DLG2: variants seen among roughly 807,000 people sequenced by gnomAD.
The protein encoded by DLG2 is discs large MAGUK scaffold protein 2, also known as disks large homolog 2.
Under a neutral mutation model 132.5 loss-of-function variants are expected in DLG2, and 45 were observed. The ratio of observed to expected loss-of-function variants is 0.34; its 90% confidence interval spans 0.27 to 0.44. DLG2 has a LOEUF of 0.44. DLG2 is among the 20% of genes least tolerant of loss of function. The probability of loss-of-function intolerance (pLI) is 1.00; values close to 1 mark genes in which losing one functional copy is unlikely to be tolerated. For missense variants in DLG2, 1,045 were observed against 1,196.9 expected (o/e 0.87, Z 1.87); for synonymous variants, 424 against 419.6 (o/e 1.01, Z -0.13).
intron 16 of DLG2, among the ~76,000 whole-genome samples, chr11:83,861,752 A>G (rs1174387546): frequency 6.6e-6 from 1 of 152,012 alleles, no homozygotes; most frequent in Non-Finnish European, 1.5e-5. Context: ...GGTGGGGGGA[A>G]GGTGGGATGG....
chr11:85,515,838 A>C (rs898637611), intron 3 of DLG2, among the ~76,000 whole-genome samples: 7 of 151,988 alleles, frequency 4.6e-5, no homozygotes, highest in African/African-American at 1.7e-4. Flanking sequence ...CTGGTTTGTG[A>C]TGAGTAAAAG....
chr11:84,558,504 A>G (rs993390216), intron 6 of DLG2, among the ~76,000 whole-genome samples: 1 of 152,146 alleles, frequency 6.6e-6, no homozygotes, highest in Non-Finnish European at 1.5e-5. Flanking sequence ...ACTCTAAACC[A>G]ATCAGGGCTC....
chr11:85,386,994 T>C (rs1260454705), intron 3 of DLG2, among the ~76,000 whole-genome samples: 3 of 151,872 alleles, frequency 2.0e-5, no homozygotes, highest in Non-Finnish European at 4.4e-5. Flanking sequence ...TTCAAGTGAT[T>C]CTTCTGCCTC....
intron 8 of DLG2, among the ~76,000 whole-genome samples, chr11:84,234,579 C>T (rs868866388): frequency 5.3e-5 from 8 of 152,114 alleles, no homozygotes; most frequent in African/African-American, 1.4e-4. Context: ...CAAATGGACC[C>T]CTCCTCCAAG....
At chr11:84,432,798 G>A (rs2098988656) in intron 7 of DLG2, among the ~76,000 whole-genome samples, 1 of 152,096 alleles carries the variant, frequency 6.6e-6, no homozygotes, top group African/African-American at 2.4e-5. Flanking sequence ...AGGCTGAAAT[G>A]GATTGCTTGA....
At position 85,237,726 on chromosome 11, in the gene DLG2, C is replaced by CT. The variant is rs543477264; in HGVS notation, c.186+47493dup. ...ACCAGCAATAATGTTAAAATACAGACTGTCAGACTGACAAAACAGGCTCTT... is the reference window on the plus strand; with the variant it reads ...ACCAGCAATAATGTTAAAATACAGACTTGTCAGACTGACAAAACAGGCTCTT... On this transcript the variant is annotated intron_variant, in intron 4 of 27. Coordinates refer to ENST00000376104, the MANE Select transcript of DLG2 (RefSeq NM_001142699.3). Among the ~76,000 whole-genome samples, 66 of 152,136 alleles carry CT rather than the reference C, an allele frequency of 4.3e-4. 2 individuals carry two copies. The highest frequency in any genetic ancestry group is 1.3e-3 in the African/African-American group (54 of 41,534).
intron 7 of DLG2, among the ~76,000 whole-genome samples, chr11:84,348,472 T>C (rs1231505138): frequency 6.6e-6 from 1 of 152,190 alleles, no homozygotes; most frequent in African/African-American, 2.4e-5. Flanking sequence ...AAGAGTAATA[T>C]TCAGGGATCT....
intron 3 of DLG2, among the ~76,000 whole-genome samples, chr11:85,451,460 C>T (rs1038181868): frequency 6.6e-6 from 1 of 151,926 alleles, no homozygotes. Context: ...CTCTCTAAAC[C>T]AAAAAAATTG....
chr11:84,741,239 T>G (rs1299504640), intron 6 of DLG2, among the ~76,000 whole-genome samples: 2 of 151,820 alleles, frequency 1.3e-5, no homozygotes, highest in African/African-American at 4.8e-5. Flanking sequence ...GCTAATTTTT[T>G]GTATTTTTAG....
In DLG2 at chr11:85,344,873, A is replaced by T. The variant is rs113429383; in HGVS notation, c.41-59508T>A. Among the ~76,000 whole-genome samples the T allele has an allele frequency of 5.9e-5, 9 of 152,202 alleles. 1 individual carries two copies. The highest frequency in any genetic ancestry group is 1.9e-4 in the African/African-American group (8 of 41,544). On this transcript the variant is annotated intron_variant, in intron 3 of 27. Coordinates refer to ENST00000376104, the MANE Select transcript of DLG2 (RefSeq NM_001142699.3). The stretch of plus-strand genomic sequence containing the variant: ...TTACTTCATTACAGAATTTATTTTA[A>T]ATCTTAGAGAAAATAAAAAGTTGAT...
In DLG2 at chr11:83,503,211, C is replaced by A. The variant is rs981935318; in HGVS notation, c.2194-18983G>T. On this transcript the variant is annotated intron_variant, in intron 21 of 27. Coordinates refer to ENST00000376104, the MANE Select transcript of DLG2 (RefSeq NM_001142699.3). Reference sequence around the variant, plus strand: ...CATGTGAGCTAAATATTAAATAGACCATTATTCACCAAGTAGAATAGGGAG... The same window carrying A: ...CATGTGAGCTAAATATTAAATAGACAATTATTCACCAAGTAGAATAGGGAG... 2.7e-5 allele frequency among the ~76,000 whole-genome samples: 4 copies of A among 150,858 alleles called. No homozygotes were observed. In the Admixed American group the frequency reaches 2.7e-4, roughly 10 times the overall value.
chr11:84,178,478 G>A (rs1596722607), intron 8 of DLG2, among the ~76,000 whole-genome samples: 1 of 152,224 alleles, frequency 6.6e-6, no homozygotes, highest in East Asian at 1.9e-4. Context: ...ACATATCCCT[G>A]CCTGAATGTG....
At chr11:83,736,367 C>T (rs929299754) in intron 18 of DLG2, among the ~76,000 whole-genome samples, 6 of 152,052 alleles carry the variant, frequency 3.9e-5, no homozygotes, top group South Asian at 2.1e-4. Flanking sequence ...ACTCAACATA[C>T]ATACTAATTA....
chr11:83,573,009 G>A (rs1157150346), intron 19 of DLG2, among the ~76,000 whole-genome samples: 1 of 152,100 alleles, frequency 6.6e-6, no homozygotes, highest in Non-Finnish European at 1.5e-5. Context: ...AATGTTTCAT[G>A]TGCCATTTAG....
At chr11:84,875,511 A>C (rs575740817) in intron 6 of DLG2, among the ~76,000 whole-genome samples, 11 of 152,014 alleles carry the variant, frequency 7.2e-5, no homozygotes, top group African/African-American at 2.7e-4. Flanking sequence ...AAAAAAAAAA[A>C]AACTCCACTG....
chr11:84,791,216 C>T (rs1293087623), intron 6 of DLG2, among the ~76,000 whole-genome samples: 1 of 152,174 alleles, frequency 6.6e-6, no homozygotes, highest in South Asian at 2.1e-4. Flanking sequence ...TCACCTGTCA[C>T]CCAGTTCCCT....
intron 6 of DLG2, among the ~76,000 whole-genome samples, chr11:84,924,132 C>A (rs893685327): frequency 1.2e-4 from 18 of 152,090 alleles, no homozygotes; most frequent in Admixed American, 1.2e-3. Context: ...CCGTCAGATC[C>A]TTCTATCTGT....
intron 15 of DLG2, among the ~76,000 whole-genome samples, chr11:83,901,718 G>A (rs75739950): frequency 8.6e-5 from 13 of 151,878 alleles, no homozygotes; most frequent in Non-Finnish European, 1.3e-4. Flanking sequence ...TCCATCTGAC[G>A]GTACTAATAC....
intron 6 of DLG2, among the ~76,000 whole-genome samples, chr11:84,653,415 G>A (rs967586063): frequency 6.6e-6 from 1 of 152,136 alleles, no homozygotes; most frequent in Non-Finnish European, 1.5e-5. Flanking sequence ...AATCAACAGA[G>A]CAAGACCAAA....
Sources: allele counts gnomAD v4.1 joint callset (sites outside exome capture counted in the v4.1 genomes callset), GRCh38; gene constraint gnomAD v4.1.1; transcripts MANE v1.5; gene names NCBI Gene and HGNC (gene_info 2026-07-23, HGNC 2026-07-21).